The following SEC16A variants were observed in gnomAD, a reference collection of about 807,000 sequenced individuals.
SEC16A encodes protein transport protein Sec16A.
SEC16A carries 110 observed loss-of-function variants against 221.9 expected under a neutral mutation model. That is an observed-to-expected ratio of 0.50 (90% CI 0.42 to 0.58). The LOEUF is 0.58. SEC16A is among the 20% of genes least tolerant of loss of function. The pLI is 0.00. For missense variants in SEC16A, 3,165 were observed against 3,097.8 expected, an observed-to-expected ratio of 1.02 and a Z score of -0.52; for synonymous variants, 1,393 against 1,257.7, an observed-to-expected ratio of 1.11 and a Z score of -2.28.
intron 19 of SEC16A, 32 bp downstream of exon 19, chr9:136,456,021 C>G (rs371787227): frequency 1.1e-4 from 168 of 1,543,270 alleles, no homozygotes; most frequent in Non-Finnish European, 1.5e-4. Context: ...CCTTGCCAGA[C>G]GCCTCTGTGC....
Position 136,455,620 on chromosome 9 carries a change from G to C in SEC16A, c.5838C>G (p.Ser1946Arg). The part of the protein sequence containing the change: ...PAPSPEHSSP[S>R]VRLLPSAPQT... ...GCTCACCTGAGGGCAGCAGCCGCAC[G>C]CTCGGGCTCGAGTGCTCAGGGCTCG... Residue 1946 changes from serine (S) to arginine (R), a missense_variant, in exon 20 of 32, where the codon AGC (serine) becomes AGG (arginine). Transcript: ENST00000684901. The C allele has an allele frequency of 1.3e-6, 2 of 1,575,750 alleles. No homozygotes were observed. The highest frequency in any genetic ancestry group is 1.7e-6 in the Non-Finnish European group (2 of 1,162,858).
In SEC16A at chr9:136,455,813, G is replaced by A. The variant is rs895416845; in HGVS notation, c.5665-20C>T. On this transcript the variant is annotated intron_variant, in intron 19 of 31. Coordinates refer to ENST00000684901, the MANE Select transcript of SEC16A (RefSeq NM_014866.2). ...CCCCTCCTGAGGGAGAACAAGACCT[G>A]CCCTGTGGAAGCCGCCTGTGGCCGC... 6.4e-7 allele frequency: 1 copy of A among 1,574,200 alleles called. No homozygotes were observed. Among genetic ancestry groups the A allele is most frequent in the East Asian group, 2.3e-5 (1 of 42,754 alleles).
rs1352549523 is a variant in SEC16A at position 136,474,264 on chromosome 9, G to C, written c.3352C>G (p.Gln1118Glu). Residue 1118 changes from glutamine to glutamate, a missense_variant, in exon 3 of 32, where the codon CAG becomes GAG. Coordinates refer to ENST00000684901, the MANE Select transcript of SEC16A (RefSeq NM_014866.2). Reference protein sequence around the residue: ...AGQQLPPRPPQSSSVSLVSSG... With the variant: ...AGQQLPPRPPESSSVSLVSSG... ...GACACCAGAGACACGCTAGAGGACT[G>C]AGGAGGCCGAGGGGGCAGCTGCTGA... 7 of 1,607,286 alleles carry C rather than the reference G, an allele frequency of 4.4e-6. No homozygotes were observed. The highest frequency in any genetic ancestry group is 1.7e-5 in the Admixed American group (1 of 58,684).
At position 136,454,117 on chromosome 9, in the gene SEC16A, G is replaced by C; in HGVS notation, c.6068C>G (p.Pro2023Arg). Residue 2023 changes from proline (P) to arginine (R), a missense_variant, in exon 21 of 32, where the codon CCA (proline) becomes CGA (arginine). Pro to Arg is a moderately radical substitution (Grantham distance 103). This residue lies in a region of SEC16A where 1,088 missense variants were observed against 1,089.6 expected (regional missense o/e 1.00). Transcript: ENST00000684901. ...CATCTCTGCAGCCCCACCTGGGTCT[G>C]GGCTCCTGGCTTCCTGGAGCAAGTG... is the stretch of plus-strand genomic sequence containing the variant. ...RRHLLQEARS[P>R]DPGIVPQEAP... The C allele has an allele frequency of 6.4e-7, 1 of 1,550,950 alleles. No homozygotes were observed. Among genetic ancestry groups the C allele is most frequent in the Non-Finnish European group, 8.7e-7 (1 of 1,147,304 alleles).
At chr9:136,465,262 C>T (rs1839996161) in intron 8 of SEC16A, among the ~76,000 whole-genome samples, 1 of 152,170 alleles carries the variant, frequency 6.6e-6, no homozygotes, top group South Asian at 2.1e-4. Context: ...ACCAGCCTGG[C>T]CAACATGGCA....
chr9:136,445,237 G>T, intron 29 of SEC16A, 126 bp from the exon 30 acceptor site: 1 of 816,722 alleles, frequency 1.2e-6, no homozygotes, highest in Non-Finnish European at 2.0e-6. Context: ...TAACTCAAAA[G>T]GGAAAAAAAA....
rs372421077 is a variant in SEC16A at position 136,447,408 on chromosome 9, G to C, written c.6560-44C>G. ...CAAATTGAGGTGAACGCGCCAGGTG[G>C]CCTCCAGCTTCCAAATGCTCTGCGC... On this transcript the variant is annotated intron_variant, in intron 26 of 31. Coordinates refer to ENST00000684901, the MANE Select transcript of SEC16A (RefSeq NM_014866.2). This position sits in a 1 kb window ranked among gnomAD's most constrained non-coding sequence, Gnocchi z 5.5. 1.6e-3 allele frequency: 2,469 copies of C among 1,584,132 alleles called. 4 individuals carry two copies. Among genetic ancestry groups the C allele is most frequent in the Non-Finnish European group, 1.9e-3 (2,233 of 1,165,346 alleles).
At chr9:136,463,658 A>G in intron 10 of SEC16A, 21 bp downstream of exon 10, 1 of 1,613,558 alleles carries the variant, frequency 6.2e-7, no homozygotes, top group South Asian at 1.1e-5. Flanking sequence ...TCACAAAGAA[A>G]TGCCTCAACA....
rs748839439 is a variant in SEC16A at position 136,474,404 on chromosome 9, G to A, written c.3212C>T (p.Pro1071Leu). Reference sequence around the variant, plus strand: ...CGAAAACATGGCTTTGGGTAGTTGTGGGGGAGAAGCCTGTTGCTGGGGTGG... The same window carrying A: ...CGAAAACATGGCTTTGGGTAGTTGTAGGGGAGAAGCCTGTTGCTGGGGTGG... ...LVPPQQQASPPQLPKAMFSEL... is the reference protein window; with the variant it reads ...LVPPQQQASPLQLPKAMFSEL... The change falls in exon 3 of 32, where the codon CCA becomes CTA. Residue 1071 changes from proline (P) to leucine (L), a missense_variant. Pro to Leu is a moderately conservative substitution (Grantham distance 98). This residue lies in a region of SEC16A where 2,030 missense variants were observed against 1,923.1 expected (regional missense o/e 1.06). Transcript: ENST00000684901. 1.7e-5 allele frequency: 28 copies of A among 1,612,628 alleles called. No homozygotes were observed. Among genetic ancestry groups the A allele is most frequent in the African/African-American group, 2.7e-5 (2 of 74,932 alleles).
intron 13 of SEC16A, among the ~76,000 whole-genome samples, chr9:136,460,501 A>G (rs1839333717): frequency 6.6e-6 from 1 of 151,910 alleles, no homozygotes; most frequent in Non-Finnish European, 1.5e-5. Flanking sequence ...TTTTTAAAAA[A>G]TCAGCCCTAA....
intron 3 of SEC16A, 128 bp downstream of exon 3, chr9:136,473,921 C>T (rs775274014): frequency 9.6e-5 from 97 of 1,011,066 alleles, no homozygotes; most frequent in Non-Finnish European, 1.4e-4. Context: ...ACTGTTCTCA[C>T]GCCTGCGGGA....
chr9:136,454,239 C>A lies in SEC16A; in HGVS notation c.5946G>T (p.Pro1982=). ...GCCCTGGGGTCACACAGCCAGGACC[C>A]GGCTCCAGGGGCCCCGGGGGCAGTG... is the stretch of plus-strand genomic sequence containing the variant. ...PVPLPPGPLE[P]GPGCVTPGPA... Residue 1982 remains proline (P), a synonymous_variant, in exon 21 of 32, where the codon CCG becomes CCT. Transcript: ENST00000684901. 6.4e-7 allele frequency: 1 copy of A among 1,574,018 alleles called. No homozygotes were observed. Among genetic ancestry groups the A allele is most frequent in the Non-Finnish European group, 8.6e-7 (1 of 1,160,066 alleles).
rs764773070 is a variant in SEC16A, at chr9:136,464,548, T to C, written c.4318A>G (p.Thr1440Ala). ...PAMEQVSSRP[T>A]SPEKFSVPHV... ...GGCACTGAAAATTTTTCAGGAGAAGTTGGTCTTGATGAAACTGCATTTAAA... is the reference window on the plus strand; with the variant it reads ...GGCACTGAAAATTTTTCAGGAGAAGCTGGTCTTGATGAAACTGCATTTAAA... Residue 1440 changes from threonine to alanine, a missense_variant, in exon 9 of 32, where the codon ACT (threonine) becomes GCT (alanine). This residue lies in a region of SEC16A where 2,030 missense variants were observed against 1,923.1 expected (regional missense o/e 1.06). Coordinates refer to ENST00000684901, the MANE Select transcript of SEC16A (RefSeq NM_014866.2). The C allele has an allele frequency of 3.7e-6, 6 of 1,602,944 alleles. No individual in the cohort carries two copies. The highest frequency in any genetic ancestry group is 5.1e-6 in the Non-Finnish European group (6 of 1,171,012).
upstream of SEC16A, chr9:136,484,718 T>C (rs971839582): frequency 7.3e-7 from 1 of 1,366,598 alleles, no homozygotes; most frequent in African/African-American, 1.5e-5. Context: ...TCAGTCCGGC[T>C]GACGTGGCAC....
chr9:136,482,173 C>G (rs1396736093), intron 1 of SEC16A, among the ~76,000 whole-genome samples: 5 of 152,150 alleles, frequency 3.3e-5, no homozygotes, highest in African/African-American at 4.8e-5. Context: ...GAGGAAAAAA[C>G]GCAGGGAGGC....
upstream of SEC16A, chr9:136,483,829 G>T (rs1205700486): frequency 6.1e-6 from 6 of 982,944 alleles, no homozygotes; most frequent in Middle Eastern, 5.2e-4. Flanking sequence ...AGCGGCCGGA[G>T]CTGCGGGACG....
chr9:136,451,171 G>A (rs1588892489), intron 23 of SEC16A, 85 bp downstream of exon 23: 1 of 1,404,434 alleles, frequency 7.1e-7, no homozygotes, highest in South Asian at 1.3e-5. Context: ...CATGTGTGGT[G>A]AATTAAGAGG....
Position 136,453,562 on chromosome 9 carries a change from G to A in SEC16A, c.6077-52C>T, listed in dbSNP as rs189086407. Reference sequence around the variant, plus strand: ...GATCTCAGTCACGAGAAGGCGGGACGTGTGTGTGGCGCACAGATCAACAGG... The same window carrying A: ...GATCTCAGTCACGAGAAGGCGGGACATGTGTGTGGCGCACAGATCAACAGG... On this transcript the variant is annotated intron_variant, in intron 21 of 31. Transcript: ENST00000684901. The A allele has an allele frequency of 6.0e-4, 866 of 1,450,920 alleles. 6 individuals carry two copies. In the African/African-American group the frequency reaches 8.8e-3, roughly 15 times the overall value. The allele number at this position is 1,450,920 out of a possible 1,614,324, so 89.9% of individuals were successfully genotyped here. A position where few individuals can be genotyped will look rare whatever the true frequency, so the allele number is the denominator to read the frequency against.
chr9:136,479,836 C>T (rs1193860016), intron 1 of SEC16A, among the ~76,000 whole-genome samples: 1 of 151,660 alleles, frequency 6.6e-6, no homozygotes, highest in East Asian at 1.9e-4. Flanking sequence ...ACAGCGATAC[C>T]CCATCACCAA....
Sources: allele counts gnomAD v4.1 joint callset (sites outside exome capture counted in the v4.1 genomes callset), GRCh38; gene constraint gnomAD v4.1.1; regional missense constraint gnomAD v4.1.1; non-coding constraint Gnocchi (gnomAD v3.1); transcripts MANE v1.5; gene names NCBI Gene and HGNC (gene_info 2026-07-23, HGNC 2026-07-21).